Variants in DHRSX observed in about 807,000 individuals in gnomAD.
DHRSX encodes the protein polyprenol dehydrogenase.
A neutral mutation model predicts 34.0 loss-of-function variants in DHRSX; 31 were observed. That is an observed-to-expected ratio of 0.91 (90% CI 0.69 to 1.23). The LOEUF is 1.23. DHRSX is among the 50% of genes most tolerant of loss of function. The probability of loss-of-function intolerance (pLI) is 0.00; values close to 1 mark genes in which losing one functional copy is unlikely to be tolerated. For missense variants in DHRSX, 414 were observed against 428.1 expected, an observed-to-expected ratio of 0.97 and a Z score of 0.29; for synonymous variants, 201 against 183.8, an observed-to-expected ratio of 1.09 and a Z score of -0.76.
intron 1 of DHRSX, among the ~76,000 whole-genome samples, chrX:2,440,651 C>G (rs927386254): frequency 1.3e-5 from 2 of 151,956 alleles, no homozygotes; most frequent in Admixed American, 6.6e-5. Context: ...CATCAAGACC[C>G]CAGGGTCTTT....
chrX:2,394,427 A>C (rs2043383254), intron 3 of DHRSX, among the ~76,000 whole-genome samples: 1 of 152,236 alleles, frequency 6.6e-6, no homozygotes, highest in Non-Finnish European at 1.5e-5. Flanking sequence ...ATATGATGTC[A>C]GAGCTATCGG....
intron 1 of DHRSX, among the ~76,000 whole-genome samples, chrX:2,474,542 A>T (rs2044644521): frequency 1.3e-5 from 2 of 151,748 alleles, no homozygotes; most frequent in Non-Finnish European, 2.9e-5. Context: ...GCCATTCCTT[A>T]AGCATGTGGC....
intron 1 of DHRSX, among the ~76,000 whole-genome samples, chrX:2,425,553 G>C (rs2043834594): frequency 6.6e-6 from 1 of 152,166 alleles, no homozygotes; most frequent in Non-Finnish European, 1.5e-5. Context: ...GTCCCTGGCA[G>C]GCTCTGCAAT....
chrX:2,398,132 G>C (rs2043437939), intron 3 of DHRSX, among the ~76,000 whole-genome samples: 1 of 152,118 alleles, frequency 6.6e-6, no homozygotes, highest in African/African-American at 2.4e-5. Context: ...GGTGAACAGG[G>C]GCAGGGATTA....
intron 3 of DHRSX, among the ~76,000 whole-genome samples, chrX:2,311,186 G>C (rs1432012228): frequency 1.3e-5 from 2 of 151,732 alleles, no homozygotes; most frequent in Non-Finnish European, 2.9e-5. Context: ...GGGACAGAGA[G>C]GAATAGAATG....
At chrX:2,379,176 C>T (rs765599808) in intron 3 of DHRSX, among the ~76,000 whole-genome samples, 8 of 152,124 alleles carry the variant, frequency 5.3e-5, no homozygotes, top group South Asian at 2.1e-4. Flanking sequence ...CTAACCCTCA[C>T]GTGGCTTCAG....
intron 5 of DHRSX, among the ~76,000 whole-genome samples, chrX:2,252,069 C>G (rs1455085029): frequency 6.6e-6 from 1 of 152,016 alleles, no homozygotes; most frequent in African/African-American, 2.4e-5. Context: ...GAAACCCCGT[C>G]TCTACTAAAA....
chrX:2,446,380 A>G (rs1298958917), intron 1 of DHRSX, among the ~76,000 whole-genome samples: 2 of 152,006 alleles, frequency 1.3e-5, no homozygotes, highest in Admixed American at 1.3e-4. Flanking sequence ...GAATGTGGCC[A>G]AGGGACCGCC....
Position 2,500,836 on chromosome X carries a change from G to A in DHRSX, c.90C>T (p.Arg30=). The A allele has an allele frequency of 1.8e-6, 2 of 1,100,266 alleles. No homozygotes were observed. The highest frequency in any genetic ancestry group is 5.4e-5 in the East Asian group (1 of 18,528). 68.2% of individuals were successfully genotyped at this position (1,100,266 alleles called of 1,614,324 possible). ...VILAQLLRRC[R]GGFLEPVFPP... is the part of the protein sequence containing the mutation. ...GCTGACCTGGCTCCAGGAAGCCCCC[G>A]CGGCAGCGCCGCAGCAGCTGCGCCA... Residue 30 remains arginine (R), a synonymous_variant, in exon 1 of 7, where the codon CGC becomes CGT. Coordinates refer to ENST00000334651, the MANE Select transcript of DHRSX (RefSeq NM_145177.3).
chrX:2,436,018 C>A (rs1372324886), intron 1 of DHRSX, among the ~76,000 whole-genome samples: 1 of 151,964 alleles, frequency 6.6e-6, no homozygotes. Flanking sequence ...CATGGTGAAA[C>A]CCCGTCTGTA....
chrX:2,238,764 T>A (rs927643161), intron 6 of DHRSX, among the ~76,000 whole-genome samples: 37 of 149,552 alleles, frequency 2.5e-4, no homozygotes, highest in Admixed American at 2.1e-3. Flanking sequence ...TTTTTTTTTT[T>A]AATAGAGATG....
chrX:2,364,709 T>C (rs1257178691), intron 3 of DHRSX, among the ~76,000 whole-genome samples: 2 of 133,422 alleles, frequency 1.5e-5, no homozygotes, highest in Non-Finnish European at 3.7e-5. Flanking sequence ...CTATTTACCA[T>C]TTATTATCTA....
chrX:2,372,631 G>A (rs981691802), intron 3 of DHRSX, among the ~76,000 whole-genome samples: 1 of 150,034 alleles, frequency 6.7e-6, no homozygotes, highest in Non-Finnish European at 1.5e-5. Context: ...TTTTTGAGAC[G>A]GAGTTTTCCT....
intron 3 of DHRSX, among the ~76,000 whole-genome samples, chrX:2,351,296 G>A (rs1287786532): frequency 6.6e-6 from 1 of 152,176 alleles, no homozygotes; most frequent in Non-Finnish European, 1.5e-5. Context: ...CGGCTACATC[G>A]TAACATTCAA....
chrX:2,400,118 C>T (rs1475973708), intron 3 of DHRSX, among the ~76,000 whole-genome samples: 1 of 152,120 alleles, frequency 6.6e-6, no homozygotes, highest in Non-Finnish European at 1.5e-5. Context: ...TAAAACTTCT[C>T]GGGAATAAAC....
chrX:2,328,904 A>G (rs753258606), intron 3 of DHRSX, among the ~76,000 whole-genome samples: 1 of 152,186 alleles, frequency 6.6e-6, no homozygotes, highest in East Asian at 1.9e-4. Context: ...TGTATGTTAC[A>G]CTGTGGGGAG....
rs1266425489 is a variant in DHRSX, at chrX:2,243,018, C to T, written c.804+5G>A. 3 of 1,612,876 alleles carry T rather than the reference C, an allele frequency of 1.9e-6. No individual in the cohort carries two copies. The highest frequency in any genetic ancestry group is 1.7e-5 in the Admixed American group (1 of 59,906). ...CCGTGAATCAGAGAAGCAGAAGGGG[C>T]TTACCTTGAAAAGCAACCAGCCGAG... On this transcript the variant is annotated splice_donor_5th_base_variant and intron_variant, in intron 6 of 6. Transcript: ENST00000334651.
In DHRSX at chrX:2,360,453, C is replaced by G. The variant is rs189946390; in HGVS notation, c.286+48292G>C. ...CAAAAATGAGCCAGGTGTGGTGGTG[C>G]GTGCCTGTAATCCCAGCTACTTGGG... On this transcript the variant is annotated intron_variant, in intron 3 of 6. Coordinates refer to ENST00000334651, the MANE Select transcript of DHRSX (RefSeq NM_145177.3). Among the ~76,000 whole-genome samples, 436 of 151,964 alleles carry G rather than the reference C, an allele frequency of 2.9e-3. 3 individuals are homozygous for G. The highest frequency in any genetic ancestry group is 0.015 in the East Asian group (75 of 5,164).
chrX:2,352,486 G>A (rs772962681), intron 3 of DHRSX, among the ~76,000 whole-genome samples: 5 of 152,194 alleles, frequency 3.3e-5, no homozygotes, highest in South Asian at 4.1e-4. Context: ...GGGAGCTTAC[G>A]GGTGACTCAG....
Sources: gnomAD v4.1 joint callset for allele counts (sites outside exome capture counted in the v4.1 genomes callset) on GRCh38, gnomAD v4.1.1 for gene constraint, MANE v1.5 for transcripts, NCBI Gene and HGNC (gene_info 2026-07-23, HGNC 2026-07-21) for gene names.